The following PIK3R3 variants were observed in gnomAD, a reference collection of about 807,000 sequenced individuals.
The protein encoded by PIK3R3 is phosphatidylinositol 3-kinase regulatory subunit gamma.
In PIK3R3, 64 loss-of-function variants were observed where a neutral mutation model predicts 62.9. The observed-to-expected ratio is 1.02, with a 90% CI of 0.83 to 1.25. The LOEUF is 1.25. Among genes scored for constraint, PIK3R3 ranks in the 50% most tolerant of loss-of-function variants. The pLI is 0.00. For missense variants in PIK3R3, 614 were observed against 561.6 expected, an observed-to-expected ratio of 1.09 and a Z score of -0.94; for synonymous variants, 165 against 189.0, an observed-to-expected ratio of 0.87 and a Z score of 1.04.
chr1:46,066,560 C>T (rs2149396628), intron 4 of PIK3R3, among the ~76,000 whole-genome samples: 1 of 152,254 alleles, frequency 6.6e-6, no homozygotes, highest in East Asian at 1.9e-4. Flanking sequence ...TGACTCATGC[C>T]TATAATCCCA....
the PIK3R3 span, among the ~76,000 whole-genome samples, chr1:46,174,640 A>G: frequency 6.6e-6 from 1 of 152,048 alleles, no homozygotes; most frequent in Non-Finnish European, 1.5e-5. Flanking sequence ...GAGTCCTACA[A>G]AATGTTCCCA....
At chr1:46,133,086 G>C, upstream of PIK3R3, 1 of 973,436 alleles carries the variant, frequency 1.0e-6, no homozygotes, top group Non-Finnish European at 1.2e-6. Context: ...CTGCGAAGGA[G>C]CGGGAGACGG....
At chr1:46,103,142 T>C (rs777915976) in intron 1 of PIK3R3, among the ~76,000 whole-genome samples, 9 of 152,110 alleles carry the variant, frequency 5.9e-5, no homozygotes, top group Non-Finnish European at 1.3e-4. Context: ...AAAGTAAAGG[T>C]TGGTTACCAG....
the PIK3R3 span, among the ~76,000 whole-genome samples, chr1:46,142,621 C>T: frequency 4.0e-5 from 6 of 151,894 alleles, no homozygotes; most frequent in Non-Finnish European, 8.8e-5. Flanking sequence ...TGGTGTGAAC[C>T]CGGGAGGCGG....
At chr1:46,135,717 G>A (rs1207275132), upstream of PIK3R3, among the ~76,000 whole-genome samples, 1 of 152,102 alleles carries the variant, frequency 6.6e-6, no homozygotes. Flanking sequence ...CCATCTGAGC[G>A]CACAATATTT....
Position 46,132,396 on chromosome 1 carries a change from G to A in PIK3R3, c.-444C>T. On this transcript the variant is annotated 5_prime_UTR_variant, in exon 1 of 10. Coordinates refer to ENST00000262741, the MANE Select transcript of PIK3R3 (RefSeq NM_003629.4). ...AAACCCGGGCAAGTGACAAAGGAAG[G>A]CAAAAAAGGGGGCTGGAGATTGCGT... 8.9e-7 allele frequency: 1 copy of A among 1,125,352 alleles called. No individual in the cohort carries two copies. Among genetic ancestry groups the A allele is most frequent in the East Asian group, 7.9e-5 (1 of 12,700 alleles). 69.7% of individuals were successfully genotyped at this position (1,125,352 alleles called of 1,614,324 possible).
intron 1 of PIK3R3, among the ~76,000 whole-genome samples, chr1:46,121,746 T>C (rs1051628280): frequency 1.4e-4 from 21 of 152,200 alleles, no homozygotes; most frequent in African/African-American, 4.1e-4. Context: ...CAGGTAAGGA[T>C]AGGCAATCTG....
intron 1 of PIK3R3, among the ~76,000 whole-genome samples, chr1:46,086,543 TA>T (rs1399099880): frequency 1.1e-4 from 16 of 151,704 alleles, no homozygotes; most frequent in African/African-American, 3.6e-4. Context: ...CTACTAAAAA[TA>T]CAAAAATTAG....
the PIK3R3 span, among the ~76,000 whole-genome samples, chr1:46,155,089 G>A: frequency 6.6e-6 from 1 of 152,198 alleles, no homozygotes; most frequent in African/African-American, 2.4e-5. Flanking sequence ...GGAGGCCAAG[G>A]TGGGAGAATC....
At chr1:46,142,630 G>A in the PIK3R3 span, among the ~76,000 whole-genome samples, 6 of 151,894 alleles carry the variant, frequency 4.0e-5, no homozygotes, top group Non-Finnish European at 5.9e-5. Flanking sequence ...CCCGGGAGGC[G>A]GAGCTTGCAG....
intron 1 of PIK3R3, among the ~76,000 whole-genome samples, chr1:46,082,454 C>T (rs1004491246): frequency 6.6e-6 from 1 of 152,168 alleles, no homozygotes; most frequent in Non-Finnish European, 1.5e-5. Context: ...CTATTAAGGA[C>T]AACACTGCGA....
At chr1:46,157,104 A>G in the PIK3R3 span, among the ~76,000 whole-genome samples, 1 of 152,158 alleles carries the variant, frequency 6.6e-6, no homozygotes, top group Non-Finnish European at 1.5e-5. Flanking sequence ...GGCAACTAGA[A>G]TCATAAATCC....
intron 1 of PIK3R3, among the ~76,000 whole-genome samples, chr1:46,117,858 C>A (rs1654323287): frequency 6.6e-6 from 1 of 152,170 alleles, no homozygotes; most frequent in Non-Finnish European, 1.5e-5. Context: ...TGCCTGAGGC[C>A]AGGAGTTCAA....
At chr1:46,107,160 G>A (rs376323236) in intron 1 of PIK3R3, among the ~76,000 whole-genome samples, 3 of 152,146 alleles carry the variant, frequency 2.0e-5, no homozygotes, top group South Asian at 4.1e-4. Flanking sequence ...ATTCCAGACC[G>A]GCCTGGCCAA....
chr1:46,122,008 G>C (rs951468045), intron 1 of PIK3R3, among the ~76,000 whole-genome samples: 1 of 151,820 alleles, frequency 6.6e-6, no homozygotes, highest in Non-Finnish European at 1.5e-5. Context: ...GGCTGAGGTG[G>C]GAAGGCTACA....
chr1:46,044,116 C>T lies in PIK3R3; in HGVS notation c.1188-245G>A, dbSNP rs1453725584. On this transcript the variant is annotated intron_variant, in intron 9 of 9. Coordinates refer to ENST00000262741, the MANE Select transcript of PIK3R3 (RefSeq NM_003629.4). This position sits in a 1 kb window ranked among gnomAD's most constrained non-coding sequence, Gnocchi z 4.2. ...TTTTAGACAGGGTCTCGCTCTATCA[C>T]GAAAGCTAGGGTACAGTGGCTTGAT... is the stretch of plus-strand genomic sequence containing the variant. Among the ~76,000 whole-genome samples the T allele has an allele frequency of 4.0e-5, 6 of 151,186 alleles. No homozygotes were observed. Among genetic ancestry groups the T allele is most frequent in the Admixed American group, 3.3e-4 (5 of 15,134 alleles).
intron 9 of PIK3R3, among the ~76,000 whole-genome samples, chr1:46,045,616 G>GTTTTTTTTTTTT (rs1357786582): frequency 1.0e-3 from 17 of 16,508 alleles, no homozygotes; most frequent in East Asian, 2.3e-3. Context: ...ACAATTAAGT[G>GTTTTTTTTTTTT]CTTTTTTTTT....
At chr1:46,164,133 G>A in the PIK3R3 span, among the ~76,000 whole-genome samples, 1 of 152,120 alleles carries the variant, frequency 6.6e-6, no homozygotes, top group East Asian at 1.9e-4. Context: ...AGGATTACAG[G>A]ACTCCAATTA....
chr1:46,052,093 G>C (rs913438613), intron 7 of PIK3R3, among the ~76,000 whole-genome samples: 2 of 151,922 alleles, frequency 1.3e-5, no homozygotes, highest in African/African-American at 4.8e-5. Flanking sequence ...AGCTGAGATC[G>C]CGCCACTGCA....
Sources: gnomAD v4.1 joint callset for allele counts (sites outside exome capture counted in the v4.1 genomes callset) on GRCh38, gnomAD v4.1.1 for gene constraint, Gnocchi (gnomAD v3.1) non-coding constraint, MANE v1.5 for transcripts, NCBI Gene and HGNC (gene_info 2026-07-23, HGNC 2026-07-21) for gene names.